Variants in ADAM9 observed in about 807,000 individuals in gnomAD.
ADAM9 encodes the protein ADAM metallopeptidase domain 9.
Under a neutral mutation model 108.1 loss-of-function variants are expected in ADAM9, and 54 were observed. The ratio of observed to expected loss-of-function variants is 0.50; its 90% CI spans 0.40 to 0.63. The LOEUF is 0.63. Ranked by LOEUF, ADAM9 falls within the 20% of genes least tolerant of loss-of-function variation. The pLI, the probability that ADAM9 is intolerant of heterozygous loss-of-function variation, is 0.00. For missense variants in ADAM9, 830 were observed against 997.7 expected (o/e 0.83, Z 2.26); for synonymous variants, 316 against 336.0 (o/e 0.94, Z 0.65).
chr8:39,045,172 GTA>G (rs1405091513), intron 12 of ADAM9, among the ~76,000 whole-genome samples: 5 of 125,502 alleles, frequency 4.0e-5, no homozygotes, highest in Admixed American at 1.6e-4. Context: ...ACATATATGT[GTA>G]TATATGTGTA....
At chr8:39,037,456 G>GTTTT (rs1235669916) in intron 11 of ADAM9, among the ~76,000 whole-genome samples, 3 of 126,062 alleles carry the variant, frequency 2.4e-5, no homozygotes, top group African/African-American at 9.2e-5. Flanking sequence ...GTGTGTGTGT[G>GTTTT]TGTTTTTTTT....
chr8:39,030,331 C>T (rs1326308158), intron 11 of ADAM9, among the ~76,000 whole-genome samples: 2 of 152,056 alleles, frequency 1.3e-5, no homozygotes, highest in Non-Finnish European at 2.9e-5. Flanking sequence ...TCCAGAATAT[C>T]ATATATTTAG....
chr8:39,000,251 C>T (rs368712133), intron 1 of ADAM9, among the ~76,000 whole-genome samples: 3 of 152,154 alleles, frequency 2.0e-5, no homozygotes, highest in African/African-American at 7.2e-5. Flanking sequence ...CTCAGCCTCC[C>T]AAAGCGCTGA....
chr8:39,041,836 T>G, intron 11 of ADAM9, 110 bp from the exon 12 acceptor site: 7 of 991,490 alleles, frequency 7.1e-6, no homozygotes, highest in Non-Finnish European at 1.1e-5. Flanking sequence ...TTTATTAGCT[T>G]CTTTTCTGTC....
intron 11 of ADAM9, among the ~76,000 whole-genome samples, chr8:39,038,362 C>T (rs975539301): frequency 1.3e-5 from 2 of 152,106 alleles, no homozygotes; most frequent in African/African-American, 4.8e-5. Context: ...GCTTCTACCC[C>T]AGAGTTTTTG....
At chr8:39,049,824 T>C (rs1837897947) in intron 12 of ADAM9, among the ~76,000 whole-genome samples, 1 of 152,194 alleles carries the variant, frequency 6.6e-6, no homozygotes, top group South Asian at 2.1e-4. Flanking sequence ...AACACAGTAT[T>C]TTGCATTTGT....
At chr8:39,045,375 TACACCTATAGGTGTGTGTACAC>T (rs1564301070) in intron 12 of ADAM9, among the ~76,000 whole-genome samples, 6 of 17,328 alleles carry the variant, frequency 3.5e-4, no homozygotes, top group South Asian at 1.2e-3. Context: ...TGTGTGTACA[TACACCTATAGGTGTGTGTACAC>T]ACACCTATAT....
At chr8:39,050,734 G>C (rs1000260842) in intron 12 of ADAM9, among the ~76,000 whole-genome samples, 1 of 151,956 alleles carries the variant, frequency 6.6e-6, no homozygotes, top group African/African-American at 2.4e-5. Context: ...TTCTGAGAGG[G>C]GAGAAAGAAG....
intron 20 of ADAM9, among the ~76,000 whole-genome samples, chr8:39,100,344 T>A (rs1361028511): frequency 2.0e-5 from 3 of 151,258 alleles, no homozygotes; most frequent in Non-Finnish European, 3.0e-5. Flanking sequence ...GAAAAAAAAA[T>A]TAGCCAGGCG....
intron 14 of ADAM9, among the ~76,000 whole-genome samples, chr8:39,070,759 TAA>T (rs79278083): frequency 6.1e-4 from 82 of 134,900 alleles, no homozygotes; most frequent in Admixed American, 1.1e-3. Context: ...TCCTGTCTCT[TAA>T]AAAAAAAAAA....
chr8:39,090,877 C>G (rs1252359117), intron 19 of ADAM9, among the ~76,000 whole-genome samples: 2 of 152,194 alleles, frequency 1.3e-5, no homozygotes, highest in Non-Finnish European at 2.9e-5. Flanking sequence ...TATTACCTTT[C>G]CAGCCAATCC....
chr8:39,045,709 A>G (rs1837748022), intron 12 of ADAM9, among the ~76,000 whole-genome samples: 1 of 151,826 alleles, frequency 6.6e-6, no homozygotes, highest in African/African-American at 2.4e-5. Context: ...ATAACGATTT[A>G]TTTTCCTCTG....
intron 8 of ADAM9, among the ~76,000 whole-genome samples, chr8:39,022,229 G>A (rs1419143821): frequency 2.6e-5 from 4 of 152,094 alleles, no homozygotes; most frequent in African/African-American, 7.2e-5. Context: ...AACATTAAAC[G>A]TGATGATGAC....
intron 14 of ADAM9, among the ~76,000 whole-genome samples, chr8:39,063,028 A>G (rs1299774622): frequency 6.6e-6 from 1 of 152,198 alleles, no homozygotes; most frequent in Non-Finnish European, 1.5e-5. Context: ...TAACTCCCTG[A>G]ATGGCAACAT....
intron 6 of ADAM9, among the ~76,000 whole-genome samples, chr8:39,017,723 GC>G (rs1836586997): frequency 6.6e-6 from 1 of 152,116 alleles, no homozygotes; most frequent in Non-Finnish European, 1.5e-5. Flanking sequence ...AGTAGCTACT[GC>G]TACAGGTCTG....
chr8:39,059,500 C>T (rs1387385458), intron 14 of ADAM9, among the ~76,000 whole-genome samples: 5 of 152,208 alleles, frequency 3.3e-5, no homozygotes, highest in Admixed American at 1.3e-4. Flanking sequence ...ACTGTGAGTA[C>T]GTGGTTCCTG....
intron 12 of ADAM9, 119 bp downstream of exon 12, chr8:39,042,236 G>A (rs185768023): frequency 9.8e-6 from 11 of 1,118,410 alleles, no homozygotes; most frequent in Non-Finnish European, 1.5e-5. Context: ...GGCACAGTGA[G>A]GATTGTTATT....
At chr8:39,084,854 T>C (rs1029729346) in intron 18 of ADAM9, among the ~76,000 whole-genome samples, 3 of 152,158 alleles carry the variant, frequency 2.0e-5, no homozygotes, top group Admixed American at 6.5e-5. Flanking sequence ...CAATTTTTGC[T>C]TTATTTATTA....
intron 11 of ADAM9, among the ~76,000 whole-genome samples, chr8:39,030,967 A>G (rs904609770): frequency 1.3e-5 from 2 of 152,170 alleles, no homozygotes; most frequent in African/African-American, 4.8e-5. Flanking sequence ...TTGCTTGCAT[A>G]CTTTGGATAA....
Sources: gnomAD v4.1 joint callset for allele counts (sites outside exome capture counted in the v4.1 genomes callset) on GRCh38, gnomAD v4.1.1 for gene constraint, MANE v1.5 for transcripts, NCBI Gene and HGNC (gene_info 2026-07-23, HGNC 2026-07-21) for gene names.